The following IL1RAPL2 variants were observed in gnomAD, a reference collection of about 807,000 sequenced individuals.
IL1RAPL2 encodes the protein interleukin 1 receptor accessory protein like 2.
In IL1RAPL2, 3 loss-of-function variants were observed where a neutral mutation model predicts 44.1. The observed-to-expected ratio is 0.07, with a 90% CI of 0.03 to 0.18. IL1RAPL2 has a LOEUF of 0.18. Among genes scored for constraint, IL1RAPL2 ranks in the 10% least tolerant of loss-of-function variants. IL1RAPL2 has a pLI of 1.00. For synonymous variants in IL1RAPL2, 181 were observed against 178.8 expected, an observed-to-expected ratio of 1.01 and a Z score of -0.10; for missense variants, 391 against 496.4, an observed-to-expected ratio of 0.79 and a Z score of 2.02.
At chrX:105,129,004 T>A (rs943664391) in intron 2 of IL1RAPL2, among the ~76,000 whole-genome samples, 1 of 111,328 alleles carries the variant, frequency 9.0e-6, no homozygotes, top group Admixed American at 9.6e-5. Context: ...AACATCTAAA[T>A]TTTTTCCAAA....
At chrX:105,359,329 A>G (rs2035231000) in intron 5 of IL1RAPL2, among the ~76,000 whole-genome samples, 1 of 111,820 alleles carries the variant, frequency 8.9e-6, no homozygotes, top group African/African-American at 3.3e-5. Flanking sequence ...GGGAAAGGAC[A>G]GGCTGTACTG....
At chrX:104,966,313 A>G (rs1433845671) in intron 2 of IL1RAPL2, among the ~76,000 whole-genome samples, 1 of 111,725 alleles carries the variant, frequency 9.0e-6, no homozygotes, top group Non-Finnish European at 1.9e-5. Context: ...GTTAGATTAG[A>G]CTTTTAAAAC....
At chrX:105,405,503 C>A in intron 5 of IL1RAPL2, 1 of 433,308 alleles carries the variant, frequency 2.3e-6, no homozygotes, top group East Asian at 3.8e-5. Flanking sequence ...GAGTGAATCC[C>A]AGGTTTTAGC....
At chrX:105,235,227 A>G (rs148618928) in intron 4 of IL1RAPL2, among the ~76,000 whole-genome samples, 2,263 of 111,790 alleles carry the variant, frequency 0.02, 64 homozygotes, top group African/African-American at 0.071. Context: ...GAAGAAGCAG[A>G]TAATAACCAC....
intron 2 of IL1RAPL2, among the ~76,000 whole-genome samples, chrX:104,954,220 A>G (rs967853028): frequency 8.9e-6 from 1 of 112,620 alleles, no homozygotes; most frequent in African/African-American, 3.2e-5. Context: ...TCTAGAGAAG[A>G]GGAAAACCAC....
intron 5 of IL1RAPL2, among the ~76,000 whole-genome samples, chrX:105,412,306 GTATATATA>G (rs56979628): frequency 0.19 from 17,305 of 92,858 alleles, 1,692 homozygotes; most frequent in Admixed American, 0.26. Flanking sequence ...GAAAAATGTA[GTATATATA>G]TATATATATA....
At chrX:104,620,338 T>A (rs746022571) in intron 1 of IL1RAPL2, among the ~76,000 whole-genome samples, 155 of 110,013 alleles carry the variant, frequency 1.4e-3, no homozygotes, top group African/African-American at 5.1e-3. Flanking sequence ...ATACAATTTT[T>A]TTTTTTTTAA....
intron 5 of IL1RAPL2, among the ~76,000 whole-genome samples, chrX:105,288,679 T>C (rs899410140): frequency 2.5e-4 from 28 of 110,795 alleles, no homozygotes; most frequent in African/African-American, 8.9e-4. Context: ...ATATGTACCC[T>C]AAAAATATGT....
chrX:105,504,154 T>C (rs1164949060), intron 6 of IL1RAPL2, among the ~76,000 whole-genome samples: 2 of 111,701 alleles, frequency 1.8e-5, no homozygotes, highest in Non-Finnish European at 3.8e-5. Context: ...TGAGCTAAAA[T>C]CTGAATGCCT....
At chrX:104,680,807 T>C (rs1930878725) in intron 2 of IL1RAPL2, among the ~76,000 whole-genome samples, 2 of 111,830 alleles carry the variant, frequency 1.8e-5, no homozygotes, top group African/African-American at 6.5e-5. Context: ...TTCCCTGCCC[T>C]ATATGAAAGA....
chrX:105,717,324 T>A, intron 6 of IL1RAPL2, 43 bp from the exon 7 acceptor site: 2 of 1,107,525 alleles, frequency 1.8e-6, no homozygotes, highest in Non-Finnish European at 2.4e-6. Context: ...CTCCCACTGA[T>A]AATCAGGAGT....
At chrX:105,516,186 C>T (rs893806812) in intron 6 of IL1RAPL2, among the ~76,000 whole-genome samples, 9 of 112,241 alleles carry the variant, frequency 8.0e-5, no homozygotes, top group Non-Finnish European at 1.3e-4. Context: ...TTTCCCCAGC[C>T]AACCATGTTT....
intron 2 of IL1RAPL2, among the ~76,000 whole-genome samples, chrX:105,147,712 T>G (rs917937331): frequency 1.8e-5 from 2 of 112,200 alleles, no homozygotes; most frequent in African/African-American, 3.2e-5. Flanking sequence ...ATATGCATAT[T>G]TATATCATGT....
At chrX:105,077,314 G>A (rs1000106723) in intron 2 of IL1RAPL2, among the ~76,000 whole-genome samples, 3 of 111,404 alleles carry the variant, frequency 2.7e-5, no homozygotes, top group Non-Finnish European at 3.8e-5. Context: ...GCTTAGTTTG[G>A]CTGGATATGA....
chrX:104,867,907 C>G (rs1222173876), intron 2 of IL1RAPL2, among the ~76,000 whole-genome samples: 1 of 111,678 alleles, frequency 9.0e-6, no homozygotes, highest in Non-Finnish European at 1.9e-5. Context: ...ATAAGAAGCA[C>G]AAAATTTGTG....
At chrX:104,869,548 A>G (rs368217348) in intron 2 of IL1RAPL2, among the ~76,000 whole-genome samples, 2 of 111,624 alleles carry the variant, frequency 1.8e-5, no homozygotes, top group East Asian at 5.6e-4. Flanking sequence ...AGAGTGGGAA[A>G]GACTATTTCT....
At chrX:104,611,924 G>A (rs1049278614) in intron 1 of IL1RAPL2, among the ~76,000 whole-genome samples, 8 of 109,785 alleles carry the variant, frequency 7.3e-5, no homozygotes, top group African/African-American at 2.7e-4. Flanking sequence ...ATTGAGCCAG[G>A]CACCAGAGGG....
chrX:104,911,893 G>C (rs1924249614), intron 2 of IL1RAPL2, among the ~76,000 whole-genome samples: 1 of 111,564 alleles, frequency 9.0e-6, no homozygotes, highest in Non-Finnish European at 1.9e-5. Flanking sequence ...TTACTCTCCT[G>C]TAAGTGTTTG....
At chrX:105,751,542 A>G (rs148289164) in intron 9 of IL1RAPL2, among the ~76,000 whole-genome samples, 1,163 of 111,613 alleles carry the variant, frequency 0.01, 7 homozygotes, top group Middle Eastern at 0.033. Context: ...TTTATCTGCA[A>G]TGTGGCTCAT....
Sources: gnomAD v4.1 joint callset for allele counts (sites outside exome capture counted in the v4.1 genomes callset) on GRCh38, gnomAD v4.1.1 for gene constraint, MANE v1.5 for transcripts, NCBI Gene and HGNC (gene_info 2026-07-23, HGNC 2026-07-21) for gene names.